RNF130: variants seen among roughly 807,000 people sequenced by gnomAD.
RNF130 encodes ring finger protein 130.
In RNF130, 21 loss-of-function variants were observed where a neutral mutation model predicts 44.6. The ratio of observed to expected loss-of-function variants is 0.47; its 90% CI spans 0.33 to 0.68. The LOEUF (loss-of-function observed/expected upper bound fraction) is 0.68. Among genes scored for constraint, RNF130 ranks in the 30% least tolerant of loss-of-function variants. The pLI is 0.02. For missense variants in RNF130, 479 were observed against 560.6 expected, an observed-to-expected ratio of 0.85 and a Z score of 1.47; for synonymous variants, 214 against 210.4, an observed-to-expected ratio of 1.02 and a Z score of -0.15.
At chr5:179,981,358 G>T (rs173562) in intron 3 of RNF130, among the ~76,000 whole-genome samples, 72,041 of 151,932 alleles carry the variant, frequency 0.47, 18,277 homozygotes, top group African/African-American at 0.67. Flanking sequence ...GGCAGATGCC[G>T]CTCCTGACGG....
intron 1 of RNF130, among the ~76,000 whole-genome samples, chr5:180,056,262 A>G (rs2113170344): frequency 6.6e-6 from 1 of 152,212 alleles, no homozygotes; most frequent in East Asian, 1.9e-4. Flanking sequence ...GGAAAAAAAA[A>G]AAAACCCTAA....
At chr5:179,952,697 T>C (rs183276295), downstream of RNF130, among the ~76,000 whole-genome samples, 2 of 152,288 alleles carry the variant, frequency 1.3e-5, no homozygotes, top group East Asian at 1.9e-4. Flanking sequence ...AGAAAATCAA[T>C]GTAATGCACC....
chr5:180,023,638 AT>A (rs761238559), intron 2 of RNF130, among the ~76,000 whole-genome samples: 3 of 152,222 alleles, frequency 2.0e-5, no homozygotes, highest in Non-Finnish European at 4.4e-5. Context: ...AGCTAGGATA[AT>A]TTGAGTAACA....
chr5:179,986,235 A>G (rs985854421), intron 3 of RNF130, among the ~76,000 whole-genome samples: 1 of 152,130 alleles, frequency 6.6e-6, no homozygotes, highest in African/African-American at 2.4e-5. Context: ...TCATGAATAG[A>G]TTTTTCTGTC....
At chr5:179,963,599 G>C (rs780885461) in intron 7 of RNF130, 35 bp from the exon 8 acceptor site, 1 of 1,471,592 alleles carries the variant, frequency 6.8e-7, no homozygotes, top group Admixed American at 1.7e-5. Context: ...ATCACTCTGG[G>C]GAGAAGGTTT....
intron 5 of RNF130, among the ~76,000 whole-genome samples, chr5:179,971,995 A>T (rs755548737): frequency 6.6e-5 from 10 of 152,190 alleles, no homozygotes. Context: ...AATAACCAGA[A>T]CCATCACCCC....
intron 7 of RNF130, among the ~76,000 whole-genome samples, chr5:179,949,790 T>C (rs915264395): frequency 6.6e-6 from 1 of 152,202 alleles, no homozygotes; most frequent in African/African-American, 2.4e-5. Context: ...AACTTCTGCC[T>C]TTCAGAAATG....
downstream of RNF130, among the ~76,000 whole-genome samples, chr5:179,954,914 TCTC>T (rs1250966316): frequency 3.9e-5 from 6 of 152,342 alleles, no homozygotes; most frequent in Admixed American, 6.5e-5. Flanking sequence ...ATTTTGAAAT[TCTC>T]CTCATCAGTA....
At chr5:179,968,667 T>TAA (rs35941932) in intron 6 of RNF130, among the ~76,000 whole-genome samples, 1,006 of 67,934 alleles carry the variant, frequency 0.015, 21 homozygotes, top group African/African-American at 0.038. Context: ...CTCTGTCTCA[T>TAA]AAAAAAAAAA....
chr5:179,980,101 C>T (rs193213522), intron 4 of RNF130, 28 bp downstream of exon 4: 30 of 1,599,142 alleles, frequency 1.9e-5, no homozygotes, highest in East Asian at 1.3e-4. Context: ...ATTACTTTTA[C>T]GGTGCTGAAG....
chr5:180,035,525 T>C (rs1764229474), intron 2 of RNF130, among the ~76,000 whole-genome samples: 1 of 152,226 alleles, frequency 6.6e-6, no homozygotes, highest in African/African-American at 2.4e-5. Flanking sequence ...AGTTGGTTAA[T>C]AGTGTTGGTC....
chr5:180,068,486 G>C (rs1765160736), intron 1 of RNF130, among the ~76,000 whole-genome samples: 1 of 152,184 alleles, frequency 6.6e-6, no homozygotes, highest in Non-Finnish European at 1.5e-5. Context: ...TATTTTTAAA[G>C]TACACTTGTT....
chr5:180,057,374 C>A (rs1362734353), intron 1 of RNF130, among the ~76,000 whole-genome samples: 1 of 152,190 alleles, frequency 6.6e-6, no homozygotes, highest in African/African-American at 2.4e-5. Context: ...CATGGTGAAA[C>A]CCCATCTCTA....
chr5:180,045,925 C>T (rs1764553454), intron 1 of RNF130, among the ~76,000 whole-genome samples: 1 of 152,244 alleles, frequency 6.6e-6, no homozygotes, highest in Non-Finnish European at 1.5e-5. Flanking sequence ...CAGCTGGCTT[C>T]CCCTAGTGGA....
chr5:180,066,454 A>T (rs1210647792), intron 1 of RNF130, among the ~76,000 whole-genome samples: 2 of 152,170 alleles, frequency 1.3e-5, no homozygotes, highest in African/African-American at 2.4e-5. Context: ...TACCTTCCCA[A>T]TATGACTAAT....
At chr5:179,963,427 G>T in intron 8 of RNF130, 44 bp downstream of exon 8, 1 of 1,464,756 alleles carries the variant, frequency 6.8e-7, no homozygotes, top group East Asian at 2.3e-5. Flanking sequence ...GTGTTTTCCT[G>T]GGATCATCTG....
At chr5:179,924,134 C>T (rs1025761626) in intron 7 of RNF130, among the ~76,000 whole-genome samples, 3 of 151,846 alleles carry the variant, frequency 2.0e-5, no homozygotes, top group Non-Finnish European at 2.9e-5. Context: ...CGCTTGAGCC[C>T]GGGAGTTCAA....
At chr5:179,991,305 T>C (rs1763077195) in intron 3 of RNF130, among the ~76,000 whole-genome samples, 1 of 152,262 alleles carries the variant, frequency 6.6e-6, no homozygotes, top group African/African-American at 2.4e-5. Context: ...AGCAATCTGA[T>C]GACTATATGT....
chr5:180,028,292 A>C (rs1367074303), intron 2 of RNF130, among the ~76,000 whole-genome samples: 1 of 152,116 alleles, frequency 6.6e-6, no homozygotes, highest in Non-Finnish European at 1.5e-5. Context: ...ACTCCATGGA[A>C]AGAGGCACCA....
Sources: gnomAD v4.1 joint callset for allele counts (sites outside exome capture counted in the v4.1 genomes callset) on GRCh38, gnomAD v4.1.1 for gene constraint, MANE v1.5 for transcripts, NCBI Gene and HGNC (gene_info 2026-07-23, HGNC 2026-07-21) for gene names.